PHEX: variants seen among roughly 807,000 people sequenced by gnomAD.
PHEX encodes the protein phosphate-regulating neutral endopeptidase PHEX.
A neutral mutation model predicts 68.0 loss-of-function variants in PHEX; 16 were observed. The observed-to-expected ratio is 0.24, with a 90% CI of 0.16 to 0.36. The LOEUF is 0.36. PHEX is among the 10% of genes least tolerant of loss of function. The pLI is 1.00. For missense variants in PHEX, 480 were observed against 575.5 expected (o/e 0.83, Z 1.70); for synonymous variants, 208 against 205.1 (o/e 1.01, Z -0.12).
At chrX:22,109,911 G>A (rs1026481817) in intron 9 of PHEX, among the ~76,000 whole-genome samples, 1 of 112,092 alleles carries the variant, frequency 8.9e-6, no homozygotes, top group Non-Finnish European at 1.9e-5. Flanking sequence ...TATTTGTCAA[G>A]CATTTTGTTA....
intron 4 of PHEX, 58 bp downstream of exon 4, chrX:22,076,532 T>C: frequency 1.4e-6 from 1 of 726,095 alleles, no homozygotes; most frequent in South Asian, 2.2e-5. Context: ...TAGAGTTCTA[T>C]TAATGTTTTA....
chrX:22,056,087 G>A (rs181014840), intron 3 of PHEX, among the ~76,000 whole-genome samples: 73 of 111,993 alleles, frequency 6.5e-4, no homozygotes, highest in Non-Finnish European at 1.1e-3. Flanking sequence ...TTCAGCTGGC[G>A]GGAAGTTCAC....
chrX:22,142,447 T>C (rs1932511251), intron 12 of PHEX, among the ~76,000 whole-genome samples: 1 of 112,322 alleles, frequency 8.9e-6, no homozygotes, highest in Admixed American at 9.5e-5. Context: ...TCAGACAACC[T>C]TTGAAAAGGT....
At chrX:22,083,445 A>T (rs1309180202) in intron 5 of PHEX, among the ~76,000 whole-genome samples, 1 of 111,960 alleles carries the variant, frequency 8.9e-6, no homozygotes, top group Non-Finnish European at 1.9e-5. Flanking sequence ...GAATCTGTAA[A>T]TTGCTTTCAG....
At chrX:22,120,277 G>C (rs1014098886) in intron 11 of PHEX, among the ~76,000 whole-genome samples, 6 of 111,228 alleles carry the variant, frequency 5.4e-5, no homozygotes, top group Admixed American at 3.8e-4. Flanking sequence ...AAATGGCTTA[G>C]GTAGGGTTCA....
intron 20 of PHEX, among the ~76,000 whole-genome samples, chrX:22,239,170 CAG>C (rs1936093595): frequency 8.9e-6 from 1 of 111,792 alleles, no homozygotes; most frequent in Non-Finnish European, 1.9e-5. Flanking sequence ...GACAAACAAA[CAG>C]AAAGGAATAG....
chrX:22,247,629 G>A (rs756086060), intron 21 of PHEX, among the ~76,000 whole-genome samples: 28 of 112,181 alleles, frequency 2.5e-4, no homozygotes, highest in Non-Finnish European at 4.3e-4. Context: ...AAGACTGTTC[G>A]AAGAGTAATA....
chrX:22,058,790 A>T (rs907364301), intron 3 of PHEX, among the ~76,000 whole-genome samples: 16 of 112,119 alleles, frequency 1.4e-4, no homozygotes, highest in African/African-American at 4.2e-4. Flanking sequence ...GATGCCACTT[A>T]AAAAAATTCT....
At chrX:22,224,947 A>AATTATCACACAGCGCTGTATGATTT (rs1935398734) in intron 18 of PHEX, among the ~76,000 whole-genome samples, 2 of 23,247 alleles carry the variant, frequency 8.6e-5, no homozygotes, top group African/African-American at 3.4e-4. Context: ...AAATAACATA[A>AATTATCACACAGCGCTGTATGATTT]ATTATCATAC....
chrX:22,185,755 G>GTTTTTTTTTTTTTTT (rs1934009559), intron 14 of PHEX, among the ~76,000 whole-genome samples: 1 of 75,121 alleles, frequency 1.3e-5, no homozygotes, highest in African/African-American at 7.6e-5. Context: ...TCTCGTTTGT[G>GTTTTTTTTTTTTTTT]GTTTTTTTTT....
intron 6 of PHEX, among the ~76,000 whole-genome samples, chrX:22,092,339 C>T (rs181203458): frequency 8.9e-6 from 1 of 111,882 alleles, no homozygotes; most frequent in Admixed American, 9.5e-5. Flanking sequence ...TACCAAGCCA[C>T]CTTGTACATT....
intron 12 of PHEX, among the ~76,000 whole-genome samples, chrX:22,160,082 G>A (rs1602346400): frequency 8.9e-6 from 1 of 112,136 alleles, no homozygotes; most frequent in Non-Finnish European, 1.9e-5. Flanking sequence ...TGTTCAGTAT[G>A]TGTATTAGTC....
intron 15 of PHEX, 103 bp from the exon 16 acceptor site, chrX:22,212,800 TG>T (rs1447603700): frequency 1.6e-6 from 1 of 606,162 alleles, no homozygotes; most frequent in Admixed American, 2.2e-5. Flanking sequence ...CCAGGAGGAG[TG>T]CCTTTCAGAT....
In PHEX at chrX:22,250,720, T is replaced by C. The variant is rs186570524; in HGVS notation, c.*2767T>C. On this transcript the variant is annotated 3_prime_UTR_variant, in exon 22 of 22. Transcript: ENST00000379374. ...GTTCTCATTTATTCATTTTATGAGA[T>C]GGACTTGGACATCACTAATGCAAAC... 7 of 112,535 alleles carry C rather than the reference T, an allele frequency of 6.2e-5. No homozygotes were observed. The highest frequency in any genetic ancestry group is 4.7e-4 in the Admixed American group (5 of 10,612). 9.3% of individuals were successfully genotyped at this position (112,535 alleles called of 1,213,427 possible).
At chrX:22,123,384 T>C (rs1234797831) in intron 11 of PHEX, among the ~76,000 whole-genome samples, 1 of 111,057 alleles carries the variant, frequency 9.0e-6, no homozygotes, top group Non-Finnish European at 1.9e-5. Context: ...GTATCACAAA[T>C]AGGGATAAAA....
chrX:22,222,866 A>G (rs140811319), intron 18 of PHEX, among the ~76,000 whole-genome samples: 1 of 111,991 alleles, frequency 8.9e-6, no homozygotes, highest in African/African-American at 3.2e-5. Context: ...AGAGATTAAA[A>G]TCCACGGTAG....
intron 15 of PHEX, among the ~76,000 whole-genome samples, chrX:22,212,190 G>T (rs1249297528): frequency 1.8e-5 from 2 of 111,688 alleles, no homozygotes; most frequent in Non-Finnish European, 3.8e-5. Context: ...TTTGGTGGTT[G>T]AAGCAAATTC....
chrX:22,111,062 A>G (rs949532576), intron 9 of PHEX, among the ~76,000 whole-genome samples: 1 of 112,693 alleles, frequency 8.9e-6, no homozygotes, highest in African/African-American at 3.2e-5. Context: ...ACCCTGGCCC[A>G]GAATTGGTTT....
intron 2 of PHEX, among the ~76,000 whole-genome samples, chrX:22,040,946 G>C (rs1438828268): frequency 1.8e-5 from 2 of 109,762 alleles, no homozygotes; most frequent in Non-Finnish European, 3.8e-5. Flanking sequence ...GACTCAAGTA[G>C]GTTTATTTCT....
Sources: allele counts gnomAD v4.1 joint callset (sites outside exome capture counted in the v4.1 genomes callset), GRCh38; gene constraint gnomAD v4.1.1; transcripts MANE v1.5; gene names NCBI Gene and HGNC (gene_info 2026-07-23, HGNC 2026-07-21).